KCNN2: variants seen among roughly 807,000 people sequenced by gnomAD.
KCNN2 encodes potassium calcium-activated channel subfamily N member 2, also known as small conductance calcium-activated potassium channel protein 2.
A neutral mutation model predicts 55.5 loss-of-function variants in KCNN2; 24 were observed. The ratio of observed to expected loss-of-function variants is 0.43; its 90% CI spans 0.31 to 0.61. The LOEUF (loss-of-function observed/expected upper bound fraction) is 0.61, where lower values mean the gene tolerates loss of function less well. KCNN2 is among the 20% of genes least tolerant of loss of function. The pLI is 0.08. For synonymous variants in KCNN2, 431 were observed against 336.1 expected, an observed-to-expected ratio of 1.28 and a Z score of -3.09; for missense variants, 754 against 853.6, an observed-to-expected ratio of 0.88 and a Z score of 1.45.
At chr5:114,137,498 T>A (rs569283105) in intron 1 of KCNN2, among the ~76,000 whole-genome samples, 1 of 152,220 alleles carries the variant, frequency 6.6e-6, no homozygotes, top group South Asian at 2.1e-4. Flanking sequence ...ACAAACACTA[T>A]CATTTGTGAG....
At chr5:114,340,793 T>C (rs974058290) in intron 2 of KCNN2, among the ~76,000 whole-genome samples, 1 of 152,128 alleles carries the variant, frequency 6.6e-6, no homozygotes, top group Non-Finnish European at 1.5e-5. Flanking sequence ...CCAGAAATTA[T>C]TCATCCTGCA....
chr5:114,277,816 C>A (rs1042382683), intron 2 of KCNN2, among the ~76,000 whole-genome samples: 1 of 152,030 alleles, frequency 6.6e-6, no homozygotes, highest in Non-Finnish European at 1.5e-5. Flanking sequence ...TTGTTATTAC[C>A]GACCTTCTGA....
Position 114,366,886 on chromosome 5 carries a change from A to G in KCNN2, c.1218+2885A>G, listed in dbSNP as rs141707496. ...TTCATAGCGTGTCCTTGGATGTAGC[A>G]TATAATCTAAAAGGACAGTTTAGCT... On this transcript the variant is annotated intron_variant, in intron 2 of 7. Transcript: ENST00000673685. 2.8e-3 allele frequency among the ~76,000 whole-genome samples: 422 copies of G among 152,394 alleles called. 1 individual carries two copies. The highest frequency in any genetic ancestry group is 1.0e-2 in the African/African-American group (416 of 41,606).
intron 2 of KCNN2, among the ~76,000 whole-genome samples, chr5:114,235,629 G>A (rs1246902200): frequency 6.6e-6 from 1 of 152,154 alleles, no homozygotes; most frequent in Admixed American, 6.5e-5. Flanking sequence ...GTTTCTGGGT[G>A]AACAGGTTTA....
intron 1 of KCNN2, among the ~76,000 whole-genome samples, chr5:114,126,738 C>T (rs1016510569): frequency 6.6e-6 from 1 of 152,122 alleles, no homozygotes; most frequent in Non-Finnish European, 1.5e-5. Context: ...GGAATTAACT[C>T]AAAAGTCCAC....
intron 2 of KCNN2, among the ~76,000 whole-genome samples, chr5:114,305,597 G>A (rs149221121): frequency 1.3e-5 from 2 of 152,284 alleles, no homozygotes; most frequent in Non-Finnish European, 2.9e-5. Context: ...CACGGCTAGG[G>A]CTGAGGCTGC....
At chr5:114,229,752 TG>T (rs1754318258) in intron 2 of KCNN2, among the ~76,000 whole-genome samples, 4 of 151,674 alleles carry the variant, frequency 2.6e-5, no homozygotes, top group African/African-American at 9.7e-5. Context: ...TAATTACTGT[TG>T]TGGTACTAAT....
chr5:114,245,581 G>A (rs1456650886), intron 2 of KCNN2, among the ~76,000 whole-genome samples: 1 of 152,174 alleles, frequency 6.6e-6, no homozygotes, highest in Non-Finnish European at 1.5e-5. Flanking sequence ...GGTTTATAGT[G>A]TAGTGGATGA....
At chr5:114,490,977 A>T (rs183462914) in intron 6 of KCNN2, among the ~76,000 whole-genome samples, 2 of 152,262 alleles carry the variant, frequency 1.3e-5, no homozygotes, top group African/African-American at 4.8e-5. Flanking sequence ...CAGCTCTCCT[A>T]CATTACAGGC....
At chr5:114,068,279 A>G (rs1162588167) in intron 1 of KCNN2, among the ~76,000 whole-genome samples, 1 of 152,216 alleles carries the variant, frequency 6.6e-6, no homozygotes, top group African/African-American at 2.4e-5. Context: ...TATTTCATAA[A>G]CTCATTTGCC....
chr5:114,271,587 G>C (rs926915529), intron 2 of KCNN2, among the ~76,000 whole-genome samples: 4 of 152,122 alleles, frequency 2.6e-5, no homozygotes, highest in Non-Finnish European at 1.5e-5. Flanking sequence ...ACCTGTAATA[G>C]GATAGCAGGA....
intron 2 of KCNN2, among the ~76,000 whole-genome samples, chr5:114,282,566 C>T (rs993852033): frequency 2.0e-5 from 3 of 151,966 alleles, no homozygotes; most frequent in Non-Finnish European, 2.9e-5. Context: ...AGATTTATGG[C>T]TGTTGCATCA....
intron 4 of KCNN2, among the ~76,000 whole-genome samples, chr5:114,465,685 G>C (rs1761413500): frequency 6.6e-6 from 1 of 152,048 alleles, no homozygotes. Context: ...ATATGTAATG[G>C]AATTTATGGT....
At chr5:114,263,752 G>T (rs115709786) in intron 2 of KCNN2, among the ~76,000 whole-genome samples, 2,495 of 152,226 alleles carry the variant, frequency 0.016, 27 homozygotes, top group Non-Finnish European at 0.022. Flanking sequence ...AATATTAAGT[G>T]ATCGAATACT....
rs186586012 is a variant in KCNN2, at chr5:114,065,156, A to C, written c.-271+8656A>C. 2.3e-3 allele frequency among the ~76,000 whole-genome samples: 349 copies of C among 152,274 alleles called. 1 individual carries two copies. Among genetic ancestry groups the C allele is most frequent in the African/African-American group, 7.8e-3 (326 of 41,566 alleles). The stretch of plus-strand genomic sequence containing the variant: ...ACTTGTAGAGTGACATAGTGTATGC[A>C]CTTGATATTTGGATTGCGAAGAGGA... On this transcript the variant is annotated intron_variant, in intron 1 of 10. Coordinates refer to the KCNN2 transcript ENST00000512097.
chr5:114,313,666 A>G (rs1756448166), intron 2 of KCNN2, among the ~76,000 whole-genome samples: 1 of 152,188 alleles, frequency 6.6e-6, no homozygotes, highest in Admixed American at 6.6e-5. Context: ...TCTTTAGACT[A>G]TAAATCATCT....
chr5:114,409,452 A>G lies in KCNN2; in HGVS notation c.1637+4596A>G, dbSNP rs1018187222. Among the ~76,000 whole-genome samples the G allele has an allele frequency of 5.3e-5, 8 of 152,310 alleles. No homozygotes were observed. The East Asian group carries it at 1.4e-3, about 26-fold the overall frequency. On this transcript the variant is annotated intron_variant, in intron 3 of 7. Transcript: ENST00000673685. ...TCCCCTCTTATATGAAGTTTACAATACTAAATATAACACACAGCTTTTCTA... is the reference window on the plus strand; with the variant it reads ...TCCCCTCTTATATGAAGTTTACAATGCTAAATATAACACACAGCTTTTCTA...
chr5:114,113,883 A>G (rs552702914), intron 1 of KCNN2, among the ~76,000 whole-genome samples: 1 of 152,104 alleles, frequency 6.6e-6, no homozygotes, highest in African/African-American at 2.4e-5. Flanking sequence ...AGGTAAAGGA[A>G]GTCCTGGCAG....
At chr5:114,432,537 C>T (rs1446812108) in intron 3 of KCNN2, among the ~76,000 whole-genome samples, 2 of 152,176 alleles carry the variant, frequency 1.3e-5, no homozygotes, top group Non-Finnish European at 2.9e-5. Flanking sequence ...TCACAGCCCT[C>T]GCTCGCTCTC....
Sources: gnomAD v4.1 joint callset for allele counts (sites outside exome capture counted in the v4.1 genomes callset) on GRCh38, gnomAD v4.1.1 for gene constraint, MANE v1.5 for transcripts, NCBI Gene and HGNC (gene_info 2026-07-23, HGNC 2026-07-21) for gene names.